Variants in PRKG1 observed in about 807,000 individuals in gnomAD.
PRKG1 encodes protein kinase cGMP-dependent 1, also known as cGMP-dependent protein kinase 1.
A neutral mutation model predicts 88.1 loss-of-function variants in PRKG1; 35 were observed. The ratio of observed to expected loss-of-function variants is 0.40; its 90% CI spans 0.30 to 0.53. PRKG1 has a LOEUF of 0.53. Among genes scored for constraint, PRKG1 ranks in the 20% least tolerant of loss-of-function variants. The pLI, the probability that PRKG1 is intolerant of heterozygous loss-of-function variation, is 0.59. For synonymous variants in PRKG1, 303 were observed against 292.5 expected (o/e 1.04, Z -0.37); for missense variants, 540 against 839.8 (o/e 0.64, Z 4.41).
At chr10:51,464,153 G>A (rs1413669036) in intron 2 of PRKG1, among the ~76,000 whole-genome samples, 1 of 152,024 alleles carries the variant, frequency 6.6e-6, no homozygotes, top group Admixed American at 6.6e-5. Flanking sequence ...GGTGGCATGT[G>A]CCTGTAATCC....
At chr10:51,952,166 C>T (rs372276886) in intron 5 of PRKG1, among the ~76,000 whole-genome samples, 5 of 152,176 alleles carry the variant, frequency 3.3e-5, no homozygotes, top group African/African-American at 4.8e-5. Flanking sequence ...TTGACATCAA[C>T]TTCAATATAT....
chr10:51,101,144 A>G (rs1317331302), intron 1 of PRKG1, among the ~76,000 whole-genome samples: 1 of 152,084 alleles, frequency 6.6e-6, no homozygotes, highest in Non-Finnish European at 1.5e-5. Flanking sequence ...AACCTCTCCT[A>G]TGACTTTATT....
At chr10:52,081,131 G>A (rs573950836) in intron 7 of PRKG1, among the ~76,000 whole-genome samples, 7 of 152,238 alleles carry the variant, frequency 4.6e-5, no homozygotes, top group East Asian at 3.9e-4. Flanking sequence ...GAAACCCAAC[G>A]TACAATGTGT....
At chr10:51,427,563 C>A (rs946014795) in intron 2 of PRKG1, among the ~76,000 whole-genome samples, 1 of 152,190 alleles carries the variant, frequency 6.6e-6, no homozygotes, top group Admixed American at 6.6e-5. Flanking sequence ...GCTCAGGCCA[C>A]AACTGGTTGA....
At chr10:51,275,787 C>T (rs1049446614) in intron 2 of PRKG1, among the ~76,000 whole-genome samples, 4 of 151,896 alleles carry the variant, frequency 2.6e-5, no homozygotes, top group Admixed American at 6.6e-5. Flanking sequence ...GTAGGCAAGA[C>T]GTTACTCTAT....
At chr10:51,399,219 G>A (rs891375444) in intron 2 of PRKG1, among the ~76,000 whole-genome samples, 1 of 151,924 alleles carries the variant, frequency 6.6e-6, no homozygotes, top group Non-Finnish European at 1.5e-5. Context: ...TGTTATATAT[G>A]TATAAGAGAT....
chr10:51,219,745 A>T (rs965852166), intron 2 of PRKG1, among the ~76,000 whole-genome samples: 1 of 152,012 alleles, frequency 6.6e-6, no homozygotes, highest in African/African-American at 2.4e-5. Flanking sequence ...AAAAAAAGGC[A>T]AGAAGGAGCA....
chr10:52,234,646 C>G (rs1352757708), intron 9 of PRKG1, among the ~76,000 whole-genome samples: 1 of 128,492 alleles, frequency 7.8e-6, no homozygotes, highest in Non-Finnish European at 1.6e-5. Flanking sequence ...GCAAAGCCTC[C>G]AAGAAATATG....
chr10:51,101,836 G>A (rs1844689224), intron 1 of PRKG1, among the ~76,000 whole-genome samples: 1 of 152,146 alleles, frequency 6.6e-6, no homozygotes, highest in Non-Finnish European at 1.5e-5. Flanking sequence ...AAGGACTGGA[G>A]TCACCAGTTA....
intron 3 of PRKG1, among the ~76,000 whole-genome samples, chr10:51,724,071 G>A (rs1842074871): frequency 6.6e-6 from 1 of 152,046 alleles, no homozygotes; most frequent in Admixed American, 6.6e-5. Flanking sequence ...GACTAGGTGG[G>A]GAAGATCTGC....
chr10:52,251,664 C>A lies in PRKG1; in HGVS notation c.1171C>A (p.Leu391Met), dbSNP rs542353515. 1.2e-6 allele frequency: 2 copies of A among 1,609,482 alleles called. No homozygotes were observed. The highest frequency in any genetic ancestry group is 1.1e-5 in the South Asian group (1 of 90,930). The change falls in exon 10 of 18, where the codon CTG (leucine) becomes ATG (methionine). Residue 391 changes from leucine (L) to methionine (M), a missense_variant and splice_region_variant. Around this residue, in one of 5 missense-constraint regions of PRKG1, gnomAD observed 400 missense variants for 562.7 expected, o/e 0.71. Coordinates refer to ENST00000373980, the MANE Select transcript of PRKG1 (RefSeq NM_006258.4). ...AGTTGGAGGTTTCGGACGAGTAGAACTGGTAGGTGATTGTTCTTTAAATGC... is the reference window on the plus strand; with the variant it reads ...AGTTGGAGGTTTCGGACGAGTAGAAATGGTAGGTGATTGTTCTTTAAATGC... Reference protein sequence around the residue: ...LGVGGFGRVELVQLKSEESKT... With the variant: ...LGVGGFGRVEMVQLKSEESKT...
rs1294917235 is a variant in PRKG1, at chr10:52,242,904, AGAAGG to A, written c.1077-8665_1077-8661del. 4.6e-4 allele frequency among the ~76,000 whole-genome samples: 52 copies of A among 112,552 alleles called. 1 individual carries two copies. Among genetic ancestry groups the A allele is most frequent in the African/African-American group, 1.1e-3 (44 of 38,890 alleles). The allele number at this position is 112,552 out of a possible 152,430, so 73.8% of individuals were successfully genotyped here. Reference sequence around the variant, plus strand: ...GACGGAGACTCAGTCTCAAAAAAAAAGAAGGAGAAGGAGAAAGAGAAGAAGAAGAA... The same window carrying A: ...GACGGAGACTCAGTCTCAAAAAAAAAAGAAGGAGAAAGAGAAGAAGAAGAA... On this transcript the variant is annotated intron_variant, in intron 9 of 17. Transcript: ENST00000373980.
chr10:51,421,611 C>T (rs779750234), intron 2 of PRKG1, among the ~76,000 whole-genome samples: 4 of 152,134 alleles, frequency 2.6e-5, no homozygotes, highest in Non-Finnish European at 4.4e-5. Context: ...GAACTGAACT[C>T]GCCTTTTTGT....
At chr10:51,156,050 G>A (rs1165573168) in intron 2 of PRKG1, among the ~76,000 whole-genome samples, 1 of 151,788 alleles carries the variant, frequency 6.6e-6, no homozygotes, top group Non-Finnish European at 1.5e-5. Flanking sequence ...ATAAAGACAA[G>A]AACAAGGTCA....
intron 3 of PRKG1, among the ~76,000 whole-genome samples, chr10:51,622,639 T>C (rs114973729): frequency 0.039 from 5,967 of 152,248 alleles, 169 homozygotes; most frequent in Middle Eastern, 0.088. Flanking sequence ...AATAAGATAC[T>C]GGTAAGTGCC....
intron 3 of PRKG1, among the ~76,000 whole-genome samples, chr10:51,555,677 A>G (rs1468770349): frequency 6.6e-6 from 1 of 152,032 alleles, no homozygotes; most frequent in Non-Finnish European, 1.5e-5. Flanking sequence ...GTAGCTGTTA[A>G]GGTAGATGTT....
intron 3 of PRKG1, among the ~76,000 whole-genome samples, chr10:51,709,226 A>C (rs533445119): frequency 6.6e-6 from 1 of 152,358 alleles, no homozygotes; most frequent in African/African-American, 2.4e-5. Context: ...GTTTTTAGAA[A>C]GTTCCCACCA....
intron 1 of PRKG1, among the ~76,000 whole-genome samples, chr10:51,086,277 C>T (rs1051773236): frequency 2.3e-4 from 35 of 152,254 alleles, no homozygotes; most frequent in African/African-American, 7.5e-4. Context: ...TTTGCCTTTC[C>T]GTTGGTTTGC....
At chr10:51,979,418 T>TTTG (rs1843941157) in intron 5 of PRKG1, among the ~76,000 whole-genome samples, 1 of 135,364 alleles carries the variant, frequency 7.4e-6, no homozygotes, top group Non-Finnish European at 1.6e-5. Context: ...CTGTTTTTTT[T>TTTG]TTTTTTTTTT....
Sources: allele counts gnomAD v4.1 joint callset (sites outside exome capture counted in the v4.1 genomes callset), GRCh38; gene constraint gnomAD v4.1.1; regional missense constraint gnomAD v4.1.1; transcripts MANE v1.5; gene names NCBI Gene and HGNC (gene_info 2026-07-23, HGNC 2026-07-21).